TGFBR3: variants seen among roughly 807,000 people sequenced by gnomAD.
TGFBR3 encodes transforming growth factor beta receptor 3.
TGFBR3 carries 46 observed loss-of-function variants against 87.9 expected under a neutral mutation model. That is an observed-to-expected ratio of 0.52 (90% CI 0.41 to 0.67). TGFBR3 has a LOEUF of 0.67. TGFBR3 is among the 30% of genes least tolerant of loss of function. The probability of loss-of-function intolerance (pLI) is 0.00; values close to 1 mark genes in which losing one functional copy is unlikely to be tolerated. For synonymous variants in TGFBR3, 381 were observed against 391.6 expected, an observed-to-expected ratio of 0.97 and a Z score of 0.32; for missense variants, 866 against 1,041.9, an observed-to-expected ratio of 0.83 and a Z score of 2.32.
At chr1:91,778,614 T>C (rs1300540816) in intron 3 of TGFBR3, among the ~76,000 whole-genome samples, 1 of 152,224 alleles carries the variant, frequency 6.6e-6, no homozygotes, top group Non-Finnish European at 1.5e-5. Context: ...ATAGAATTTC[T>C]AGACTTAACC....
intron 1 of TGFBR3, among the ~76,000 whole-genome samples, chr1:91,879,276 A>T (rs1383895760): frequency 7.0e-6 from 1 of 142,180 alleles, no homozygotes; most frequent in Non-Finnish European, 1.6e-5. Flanking sequence ...CTCAAAAAAA[A>T]AAATAACCAT....
chr1:91,681,425 G>T lies in TGFBR3; in HGVS notation c.*2314C>A. ...CTCTCTCTTTTAAAAAGATCTTTTG[G>T]TTTGCATCTATAAATTTGTAAATTA... On this transcript the variant is annotated 3_prime_UTR_variant, in exon 17 of 17. Transcript: ENST00000212355. The T allele has an allele frequency of 2.7e-6, 1 of 364,612 alleles. No homozygotes were observed. Among genetic ancestry groups the T allele is most frequent in the Non-Finnish European group, 5.2e-6 (1 of 190,998 alleles). The allele number at this position is 364,612 out of a possible 1,614,324, so 22.6% of individuals were successfully genotyped here. A position where few individuals can be genotyped will look rare whatever the true frequency, so the allele number is the denominator to read the frequency against.
chr1:91,774,296 C>G (rs1376764115), intron 3 of TGFBR3, among the ~76,000 whole-genome samples: 1 of 152,066 alleles, frequency 6.6e-6, no homozygotes, highest in African/African-American at 2.4e-5. Flanking sequence ...CGCCACCAGC[C>G]AGGCTAATTT....
chr1:91,738,191 T>C (rs1226527532), intron 4 of TGFBR3, among the ~76,000 whole-genome samples: 2 of 152,224 alleles, frequency 1.3e-5, no homozygotes, highest in African/African-American at 4.8e-5. Context: ...GCCTCTATAA[T>C]TGCATGAGAC....
intron 7 of TGFBR3, 90 bp downstream of exon 7, chr1:91,727,569 G>C (rs1672592576): frequency 6.6e-7 from 1 of 1,525,768 alleles, no homozygotes; most frequent in Non-Finnish European, 9.1e-7. Context: ...GTCCAAAGAG[G>C]CAGGAACTTT....
chr1:91,722,628 T>G (rs1256796492), intron 7 of TGFBR3, among the ~76,000 whole-genome samples: 1 of 152,220 alleles, frequency 6.6e-6, no homozygotes, highest in African/African-American at 2.4e-5. Context: ...TACAGCCACT[T>G]AACAATGGAG....
At chr1:91,780,884 TAC>T (rs56862200) in intron 3 of TGFBR3, among the ~76,000 whole-genome samples, 12,964 of 132,366 alleles carry the variant, frequency 0.098, 645 homozygotes, top group East Asian at 0.21. Context: ...ACTAGAGAAC[TAC>T]ACACACACAC....
At chr1:91,901,072 C>A (rs182742023) in intron 1 of TGFBR3, among the ~76,000 whole-genome samples, 11 of 152,252 alleles carry the variant, frequency 7.2e-5, no homozygotes, top group African/African-American at 1.9e-4. Flanking sequence ...CTCTGTATGC[C>A]ATTTTCCATA....
intron 1 of TGFBR3, among the ~76,000 whole-genome samples, chr1:91,877,824 A>G (rs1224119277): frequency 6.6e-6 from 1 of 152,220 alleles, no homozygotes; most frequent in East Asian, 1.9e-4. Flanking sequence ...TATTTTTTTC[A>G]GGATTCAGAT....
chr1:91,759,823 T>A (rs1673895168), intron 3 of TGFBR3, among the ~76,000 whole-genome samples: 1 of 152,186 alleles, frequency 6.6e-6, no homozygotes, highest in Non-Finnish European at 1.5e-5. Flanking sequence ...TCAGCTAGAA[T>A]CCTCATGAGG....
intron 2 of TGFBR3, among the ~76,000 whole-genome samples, chr1:91,898,113 A>T (rs963347987): frequency 3.2e-4 from 49 of 152,050 alleles, no homozygotes; most frequent in African/African-American, 1.1e-3. Context: ...AAGAAAAAAA[A>T]TTACAGATAC....
intron 2 of TGFBR3, among the ~76,000 whole-genome samples, chr1:91,897,235 G>A (rs781119393): frequency 2.0e-5 from 3 of 152,208 alleles, no homozygotes; most frequent in Non-Finnish European, 2.9e-5. Flanking sequence ...AATGTAGCCT[G>A]CGGGGGTATC....
intron 2 of TGFBR3, among the ~76,000 whole-genome samples, chr1:91,859,474 TC>T (rs1678091662): frequency 6.6e-6 from 1 of 151,986 alleles, no homozygotes; most frequent in African/African-American, 2.4e-5. Context: ...AGATTTTAAG[TC>T]AATTCCATTT....
intron 2 of TGFBR3, among the ~76,000 whole-genome samples, chr1:91,844,577 TTC>T (rs1341969616): frequency 6.6e-6 from 1 of 152,252 alleles, no homozygotes; most frequent in Non-Finnish European, 1.5e-5. Flanking sequence ...TAATCCTAAC[TTC>T]TCTTTCTCCC....
chr1:91,716,571 C>A lies in TGFBR3; in HGVS notation c.1704G>T (p.Val568=), dbSNP rs1484142261. ...CCTACTGATAACAAACACATACCAC[C>A]ACGATTTCAGGTCGGGTGAACAGGG... ...DASLFTRPEI[V]VFNCSLQQVR... is the part of the protein sequence containing the mutation. Residue 568 remains valine (V), a synonymous_variant, in exon 11 of 17, where the codon GTG becomes GTT. Coordinates refer to ENST00000212355, the MANE Select transcript of TGFBR3 (RefSeq NM_003243.5). The A allele has an allele frequency of 1.2e-6, 2 of 1,613,986 alleles. No homozygotes were observed. Among genetic ancestry groups the A allele is most frequent in the Non-Finnish European group, 1.7e-6 (2 of 1,180,038 alleles).
intron 3 of TGFBR3, among the ~76,000 whole-genome samples, chr1:91,773,799 A>G (rs1176062313): frequency 6.6e-6 from 1 of 152,252 alleles, no homozygotes; most frequent in Admixed American, 6.5e-5. Context: ...AATTAAAAGG[A>G]ACAATTTTAA....
rs79891931 is a variant in TGFBR3 at position 91,768,612 on chromosome 1, C to T, written c.247-9862G>A. Among the ~76,000 whole-genome samples the T allele has an allele frequency of 1.4e-4, 21 of 152,262 alleles. No homozygotes were observed. In the East Asian group the frequency reaches 4.1e-3, roughly 29 times the overall value. On this transcript the variant is annotated intron_variant, in intron 3 of 16. Coordinates refer to ENST00000212355, the MANE Select transcript of TGFBR3 (RefSeq NM_003243.5). ...TGCTGTTCTCATGAGAGAGTTCTCACAAGATCTGGCTGTTTAAAAATGTGT... is the reference window on the plus strand; with the variant it reads ...TGCTGTTCTCATGAGAGAGTTCTCATAAGATCTGGCTGTTTAAAAATGTGT...
At chr1:91,756,525 T>C (rs1673752771) in intron 4 of TGFBR3, among the ~76,000 whole-genome samples, 1 of 152,236 alleles carries the variant, frequency 6.6e-6, no homozygotes, top group Non-Finnish European at 1.5e-5. Flanking sequence ...TATGGTACTG[T>C]AGAAGGCTAT....
At chr1:91,760,793 C>T (rs766508224) in intron 3 of TGFBR3, among the ~76,000 whole-genome samples, 15 of 152,148 alleles carry the variant, frequency 9.9e-5, no homozygotes, top group East Asian at 3.9e-4. Flanking sequence ...AGATGCTGTC[C>T]GCATCTAGAA....
Sources: allele counts gnomAD v4.1 joint callset (sites outside exome capture counted in the v4.1 genomes callset), GRCh38; gene constraint gnomAD v4.1.1; transcripts MANE v1.5; gene names NCBI Gene and HGNC (gene_info 2026-07-23, HGNC 2026-07-21).